ZC3H6: variants seen among roughly 807,000 people sequenced by gnomAD.
ZC3H6 encodes zinc finger CCCH domain-containing protein 6.
Under a neutral mutation model 107.7 loss-of-function variants are expected in ZC3H6, and 40 were observed. The observed-to-expected ratio is 0.37, with a 90% CI of 0.29 to 0.48. The LOEUF (loss-of-function observed/expected upper bound fraction) is 0.48. ZC3H6 is among the 20% of genes least tolerant of loss of function. The probability of loss-of-function intolerance (pLI) is 0.98; values close to 1 mark genes in which losing one functional copy is unlikely to be tolerated. For synonymous variants in ZC3H6, 493 were observed against 487.9 expected (o/e 1.01, Z -0.14); for missense variants, 1,267 against 1,410.4 (o/e 0.90, Z 1.63).
At chr2:112,278,734 T>C (rs887704128) in intron 1 of ZC3H6, among the ~76,000 whole-genome samples, 8 of 152,236 alleles carry the variant, frequency 5.3e-5, no homozygotes, top group African/African-American at 1.9e-4. Context: ...AATTAAAATA[T>C]TACTGTTTAT....
At position 112,331,550 on chromosome 2, in the gene ZC3H6, G is replaced by GT. The variant is rs1267053309; in HGVS notation, c.2633dup (p.Trp879ValfsTer13). ...CAAACCCAACTTTGCAAAACACATC[G>GT]TGTGGGCTCCCGAAGACTTACTTCC... is the stretch of plus-strand genomic sequence containing the variant. On this transcript the variant is annotated frameshift_variant, in exon 12 of 12. Transcript: ENST00000409871. LOFTEE classifies it high-confidence loss of function. The GT allele has an allele frequency of 6.2e-7, 1 of 1,613,904 alleles. No individual in the cohort carries two copies. Among genetic ancestry groups the GT allele is most frequent in the Non-Finnish European group, 8.5e-7 (1 of 1,179,880 alleles).
intron 1 of ZC3H6, among the ~76,000 whole-genome samples, chr2:112,295,451 A>T (rs1292900169): frequency 6.6e-6 from 1 of 152,164 alleles, no homozygotes; most frequent in Non-Finnish European, 1.5e-5. Flanking sequence ...ATTTCCCAAG[A>T]TCACTAGGTT....
chr2:112,314,885 C>T (rs116827439), intron 5 of ZC3H6, among the ~76,000 whole-genome samples: 2,545 of 152,178 alleles, frequency 0.017, 70 homozygotes, highest in African/African-American at 0.057. Flanking sequence ...ATTTTTAAAA[C>T]GAATCTCTAG....
chr2:112,308,872 T>C (rs944767460), intron 3 of ZC3H6, among the ~76,000 whole-genome samples: 2 of 151,438 alleles, frequency 1.3e-5, no homozygotes, highest in African/African-American at 4.8e-5. Flanking sequence ...GCCAACATAG[T>C]GAAACCCCAT....
chr2:112,298,208 C>T (rs1221089403), intron 1 of ZC3H6, among the ~76,000 whole-genome samples: 2 of 151,792 alleles, frequency 1.3e-5, no homozygotes, highest in East Asian at 3.9e-4. Context: ...ATATGACCAA[C>T]AGTACTAGTT....
In ZC3H6 at chr2:112,275,607, C is replaced by G. The variant is rs758784892; in HGVS notation, c.-388C>G. 5 of 401,120 alleles carry G rather than the reference C, an allele frequency of 1.2e-5. No homozygotes were observed. The highest frequency in any genetic ancestry group is 1.8e-5 in the Non-Finnish European group (4 of 226,802). 24.8% of individuals were successfully genotyped at this position (401,120 alleles called of 1,614,324 possible). ...GGTGTTGCGGCCGGCGCCATTTTCTCGAGCCGCCTGTTTCGGGTGCCGCCA... is the reference window on the plus strand; with the variant it reads ...GGTGTTGCGGCCGGCGCCATTTTCTGGAGCCGCCTGTTTCGGGTGCCGCCA... On this transcript the variant is annotated 5_prime_UTR_variant, in exon 1 of 12. Transcript: ENST00000409871.
chr2:112,284,861 G>T (rs1223131648), intron 1 of ZC3H6, among the ~76,000 whole-genome samples: 1 of 151,802 alleles, frequency 6.6e-6, no homozygotes, highest in Admixed American at 6.6e-5. Context: ...AAAATGTGAA[G>T]AATTCCCAAA....
intron 1 of ZC3H6, among the ~76,000 whole-genome samples, chr2:112,277,450 C>G (rs1200704395): frequency 1.3e-5 from 2 of 151,488 alleles, no homozygotes. Flanking sequence ...AAAGTAACTT[C>G]TATATATGGA....
intron 1 of ZC3H6, among the ~76,000 whole-genome samples, chr2:112,297,984 G>A (rs72943954): frequency 3.3e-5 from 5 of 152,252 alleles, no homozygotes; most frequent in South Asian, 2.1e-4. Context: ...ATGTGATGGC[G>A]TGTGCCTGTA....
intron 7 of ZC3H6, among the ~76,000 whole-genome samples, chr2:112,318,305 C>T (rs576277092): frequency 8.5e-5 from 13 of 152,242 alleles, no homozygotes; most frequent in African/African-American, 3.1e-4. Context: ...GAAATTTTGA[C>T]TCCATGAAAA....
intron 3 of ZC3H6, among the ~76,000 whole-genome samples, chr2:112,308,728 G>A (rs1186322583): frequency 2.0e-5 from 3 of 147,798 alleles, no homozygotes; most frequent in Non-Finnish European, 4.5e-5. Flanking sequence ...CGCTGTGCCC[G>A]GCCAGAGTAG....
chr2:112,325,165 C>T lies in ZC3H6; in HGVS notation c.2054C>T (p.Thr685Ile), dbSNP rs758562812. The change falls in exon 11 of 12, where the codon ACC becomes ATC. Residue 685 changes from threonine to isoleucine, a missense_variant. Thr to Ile is a moderately conservative substitution (Grantham distance 89). Coordinates refer to ENST00000409871, the MANE Select transcript of ZC3H6 (RefSeq NM_198581.3). ...RYQEDEEQTS[T>I]QPHRAPSKEE... is the part of the protein sequence containing the mutation. ...CAAGAAGATGAAGAACAAACCAGCA[C>T]CCAACCTCATAGGGCACCAAGCAAG... The T allele has an allele frequency of 3.1e-6, 5 of 1,613,868 alleles. No individual in the cohort carries two copies. In the South Asian group the frequency reaches 4.4e-5, roughly 14 times the overall value.
Position 112,331,100 on chromosome 2 carries a change from A to G in ZC3H6, c.2182A>G (p.Arg728Gly). 1.2e-6 allele frequency: 2 copies of G among 1,611,274 alleles called. No individual in the cohort carries two copies. The highest frequency in any genetic ancestry group is 1.1e-5 in the South Asian group (1 of 90,376). ...KTLQKQTETL[R>G]NQQQPSTELS... ...ATTACAGAAACAAACAGAAACTTTA[A>G]GGAATCAGCAACAACCTTCCACAGA... Residue 728 changes from arginine (R) to glycine (G), a missense_variant, in exon 12 of 12, where the codon AGG (arginine) becomes GGG (glycine). Around this residue, in one of 3 missense-constraint regions of ZC3H6, gnomAD observed 925 missense variants for 1,025.7 expected, o/e 0.90. Transcript: ENST00000409871.
chr2:112,315,056 C>T (rs1253872284), intron 5 of ZC3H6, among the ~76,000 whole-genome samples: 3 of 152,122 alleles, frequency 2.0e-5, no homozygotes, highest in Non-Finnish European at 4.4e-5. Flanking sequence ...GAACTTTATG[C>T]TCTATCTTTT....
intron 1 of ZC3H6, among the ~76,000 whole-genome samples, chr2:112,279,843 GTAT>G (rs1377357855): frequency 2.0e-5 from 3 of 152,114 alleles, no homozygotes; most frequent in African/African-American, 7.2e-5. Context: ...AAGAACCCAG[GTAT>G]TATTATTTTC....
chr2:112,288,290 C>T (rs960693905), intron 1 of ZC3H6, among the ~76,000 whole-genome samples: 1 of 152,072 alleles, frequency 6.6e-6, no homozygotes, highest in Non-Finnish European at 1.5e-5. Flanking sequence ...CTTAGAATCC[C>T]TTCTCCTTGG....
intron 1 of ZC3H6, among the ~76,000 whole-genome samples, chr2:112,276,438 C>T (rs1686426075): frequency 7.0e-6 from 1 of 143,400 alleles, no homozygotes; most frequent in East Asian, 2.1e-4. Context: ...TTGACTGCTT[C>T]CCGAGAACCG....
At chr2:112,287,518 C>T (rs375453810) in intron 1 of ZC3H6, among the ~76,000 whole-genome samples, 2 of 152,136 alleles carry the variant, frequency 1.3e-5, no homozygotes, top group East Asian at 1.9e-4. Context: ...GATTAATGTT[C>T]AGCACTACTT....
intron 1 of ZC3H6, among the ~76,000 whole-genome samples, chr2:112,284,815 G>A (rs1306421699): frequency 6.6e-6 from 1 of 152,036 alleles, no homozygotes; most frequent in Non-Finnish European, 1.5e-5. Context: ...TTCTGAAGTG[G>A]TAGAGTTAAC....
Sources: gnomAD v4.1 joint callset for allele counts (sites outside exome capture counted in the v4.1 genomes callset) on GRCh38, gnomAD v4.1.1 for gene constraint, gnomAD v4.1.1 regional missense constraint, MANE v1.5 for transcripts, NCBI Gene and HGNC (gene_info 2026-07-23, HGNC 2026-07-21) for gene names.